The following EPB41L2 variants were observed in gnomAD, a reference collection of about 807,000 sequenced individuals.
EPB41L2 encodes the protein band 4.1-like protein 2.
EPB41L2 carries 43 observed loss-of-function variants against 113.0 expected under a neutral mutation model. The observed-to-expected ratio is 0.38, with a 90% CI of 0.30 to 0.49. The LOEUF is 0.49. EPB41L2 is among the 20% of genes least tolerant of loss of function. EPB41L2 has a pLI of 0.95. For synonymous variants in EPB41L2, 442 were observed against 436.7 expected, an observed-to-expected ratio of 1.01 and a Z score of -0.15; for missense variants, 1,147 against 1,223.4, an observed-to-expected ratio of 0.94 and a Z score of 0.93.
chr6:130,925,815 A>C (rs1045044212), intron 4 of EPB41L2, among the ~76,000 whole-genome samples: 1 of 152,216 alleles, frequency 6.6e-6, no homozygotes, highest in Non-Finnish European at 1.5e-5. Flanking sequence ...TTCTATTAAG[A>C]ATACTCATGT....
At chr6:131,006,157 A>T (rs898648986) in intron 1 of EPB41L2, among the ~76,000 whole-genome samples, 1 of 151,686 alleles carries the variant, frequency 6.6e-6, no homozygotes, top group African/African-American at 2.4e-5. Context: ...CCCAGGTTCA[A>T]GCGATTCTCA....
chr6:130,919,888 T>C (rs1463324242), intron 4 of EPB41L2, among the ~76,000 whole-genome samples: 1 of 152,204 alleles, frequency 6.6e-6, no homozygotes, highest in East Asian at 1.9e-4. Flanking sequence ...GCTCCTTCTC[T>C]TGTCCCACTG....
intron 1 of EPB41L2, among the ~76,000 whole-genome samples, chr6:131,045,318 C>CATTTAATATGAATATTTA (rs1795207522): frequency 2.8e-5 from 4 of 143,146 alleles, no homozygotes; most frequent in East Asian, 2.0e-4. Context: ...CAAAATATTT[C>CATTTAATATGAATATTTA]ATATTTAAAT....
intron 3 of EPB41L2, among the ~76,000 whole-genome samples, chr6:130,947,108 G>A (rs1317641902): frequency 1.4e-5 from 2 of 147,998 alleles, no homozygotes; most frequent in Non-Finnish European, 3.0e-5. Flanking sequence ...GCTAGGTCCT[G>A]TATACCAATG....
intron 1 of EPB41L2, among the ~76,000 whole-genome samples, chr6:131,025,355 G>A (rs549277608): frequency 3.3e-5 from 5 of 152,192 alleles, no homozygotes; most frequent in East Asian, 1.9e-4. Flanking sequence ...AGGAACTTAC[G>A]GCATGAATTG....
At chr6:130,954,036 C>CTTTTTTTTTTTTTTTTTTTTTTTTTTTT (rs1816328530) in intron 3 of EPB41L2, among the ~76,000 whole-genome samples, 3 of 45,522 alleles carry the variant, frequency 6.6e-5, no homozygotes, top group African/African-American at 1.7e-4. Flanking sequence ...TAGTCCTTTT[C>CTTTTTTTTTTTTTTTTTTTTTTTTTTTT]TTTCTTTTTT....
intron 1 of EPB41L2, among the ~76,000 whole-genome samples, chr6:130,962,789 C>A (rs776893844): frequency 7.9e-5 from 12 of 152,096 alleles, no homozygotes; most frequent in Non-Finnish European, 1.3e-4. Context: ...CCACTTTCCC[C>A]CCTTCCACAT....
At chr6:131,011,668 G>A (rs1360625607) in intron 1 of EPB41L2, among the ~76,000 whole-genome samples, 2 of 152,118 alleles carry the variant, frequency 1.3e-5, no homozygotes, top group African/African-American at 4.8e-5. Flanking sequence ...TCTTTGATGG[G>A]TATTCCTTTC....
intron 4 of EPB41L2, among the ~76,000 whole-genome samples, chr6:130,914,889 T>C (rs1003104636): frequency 1.1e-4 from 16 of 152,216 alleles, no homozygotes; most frequent in African/African-American, 2.7e-4. Context: ...AGTAAATATT[T>C]ATCTCCTAAA....
At chr6:130,925,110 T>G (rs949577869) in intron 4 of EPB41L2, among the ~76,000 whole-genome samples, 3 of 151,842 alleles carry the variant, frequency 2.0e-5, no homozygotes, top group African/African-American at 4.8e-5. Context: ...AAACAGTATA[T>G]CCTACTATCT....
chr6:130,863,128 A>G (rs1782675473), intron 18 of EPB41L2, among the ~76,000 whole-genome samples: 1 of 152,220 alleles, frequency 6.6e-6, no homozygotes, highest in South Asian at 2.1e-4. Flanking sequence ...TTCAGAATCA[A>G]TGTAAATTTT....
intron 3 of EPB41L2, among the ~76,000 whole-genome samples, chr6:130,948,362 T>A (rs1813646243): frequency 6.6e-6 from 1 of 152,152 alleles, no homozygotes; most frequent in Non-Finnish European, 1.5e-5. Flanking sequence ...TGTTTTTGTA[T>A]CATTCCAAAA....
At chr6:130,949,409 T>C (rs1287048865) in intron 3 of EPB41L2, among the ~76,000 whole-genome samples, 1 of 152,122 alleles carries the variant, frequency 6.6e-6, no homozygotes, top group Non-Finnish European at 1.5e-5. Context: ...GAGACCTACC[T>C]GGGCAACAAA....
chr6:130,878,296 A>T, intron 13 of EPB41L2, 46 bp from the exon 14 acceptor site: 1 of 1,569,564 alleles, frequency 6.4e-7, no homozygotes, highest in Non-Finnish European at 8.6e-7. Context: ...CCAAAAGGAA[A>T]AAACCCAGTA....
intron 3 of EPB41L2, among the ~76,000 whole-genome samples, chr6:130,951,316 T>TG: frequency 1.3e-5 from 1 of 76,916 alleles, no homozygotes; most frequent in Non-Finnish European, 2.4e-5. Context: ...TCAGTACTTT[T>TG]TTTTTTTTTT....
In EPB41L2 at chr6:131,001,951, T is replaced by C. The variant is rs557099602; in HGVS notation, c.-14-45452A>G. 8.5e-5 allele frequency among the ~76,000 whole-genome samples: 13 copies of C among 152,310 alleles called. 1 individual carries two copies. The South Asian group carries it at 2.1e-3, about 24-fold the overall frequency. On this transcript the variant is annotated intron_variant, in intron 1 of 19. Coordinates refer to ENST00000337057, the MANE Select transcript of EPB41L2 (RefSeq NM_001431.4). ...CTAAAGATTTCTGTGGAAGAATATT[T>C]CCAAGCAAAACAAAAACTAATGATT...
At chr6:130,885,051 G>A (rs1396066822) in intron 12 of EPB41L2, 45 bp downstream of exon 12, 3 of 1,599,296 alleles carry the variant, frequency 1.9e-6, no homozygotes, top group African/African-American at 2.7e-5. Flanking sequence ...TACCCTCTAG[G>A]TTAAGTAAAT....
rs567267167 is a variant in EPB41L2, at chr6:130,865,216, C to T, written c.2829+320G>A. Among the ~76,000 whole-genome samples, 45 of 152,286 alleles carry T rather than the reference C, an allele frequency of 3.0e-4. No homozygotes were observed. The South Asian group carries it at 8.9e-3, about 30-fold the overall frequency. ...CATTCATTCGCTTTAGTCAGGAGGG[C>T]TGGTTTAATAAAAGTAGAAGCACAA... is the stretch of plus-strand genomic sequence containing the variant. On this transcript the variant is annotated intron_variant, in intron 17 of 19. Transcript: ENST00000337057.
chr6:131,060,118 T>C (rs772713308), intron 1 of EPB41L2, among the ~76,000 whole-genome samples: 18 of 152,226 alleles, frequency 1.2e-4, no homozygotes, highest in Non-Finnish European at 2.1e-4. Flanking sequence ...AAAAGGCCCA[T>C]GTCTTCAGCT....
Sources: gnomAD v4.1 joint callset for allele counts (sites outside exome capture counted in the v4.1 genomes callset) on GRCh38, gnomAD v4.1.1 for gene constraint, MANE v1.5 for transcripts, NCBI Gene and HGNC (gene_info 2026-07-23, HGNC 2026-07-21) for gene names.